SRPK1: variants seen among roughly 807,000 people sequenced by gnomAD.
The protein encoded by SRPK1 is SFRS protein kinase 1.
SRPK1 carries 52 observed loss-of-function variants against 89.5 expected under a neutral mutation model. That is an observed-to-expected ratio of 0.58 (90% CI 0.46 to 0.73). The LOEUF (loss-of-function observed/expected upper bound fraction) is 0.73, where lower values mean the gene tolerates loss of function less well. SRPK1 is among the 30% of genes least tolerant of loss of function. The pLI is 0.00. For missense variants in SRPK1, 603 were observed against 780.6 expected (o/e 0.77, Z 2.71); for synonymous variants, 255 against 270.2 (o/e 0.94, Z 0.55).
intron 12 of SRPK1, among the ~76,000 whole-genome samples, chr6:35,865,645 T>G (rs1326058869): frequency 6.6e-6 from 1 of 152,074 alleles, no homozygotes; most frequent in African/African-American, 2.4e-5. Context: ...AGCCATATAC[T>G]TAACAGCAAA....
In SRPK1 at chr6:35,837,545, C is replaced by A. The variant is rs569187554; in HGVS notation, c.1783+792G>T. Among the ~76,000 whole-genome samples the A allele has an allele frequency of 3.9e-5, 6 of 152,262 alleles. No homozygotes were observed. In the East Asian group the frequency reaches 7.7e-4, roughly 20 times the overall value. ...AGTGGAGTAGCCAGGATTTGACAGT[C>A]TGGCTCCAGTCTCTGCTCTTTTTTT... On this transcript the variant is annotated intron_variant, in intron 15 of 15. Coordinates refer to ENST00000373825, the MANE Select transcript of SRPK1 (RefSeq NM_003137.5).
At chr6:35,875,254 CTTT>C (rs753490683) in intron 6 of SRPK1, among the ~76,000 whole-genome samples, 7 of 136,940 alleles carry the variant, frequency 5.1e-5, no homozygotes, top group Admixed American at 7.3e-5. Flanking sequence ...ATGGAGACTT[CTTT>C]TTTTTTTTTT....
rs199941485 is a variant in SRPK1, at chr6:35,838,324, A to G, written c.1783+13T>C. On this transcript the variant is annotated intron_variant, in intron 15 of 15. Coordinates refer to ENST00000373825, the MANE Select transcript of SRPK1 (RefSeq NM_003137.5). ...TTCTGCCTCCTTAATGTCTGGGAAC[A>G]CATTTACTTTACCTTTTTTGGTGAA... 1.4e-3 allele frequency: 2,170 copies of G among 1,541,334 alleles called. 1 individual carries two copies. The highest frequency in any genetic ancestry group is 1.8e-3 in the Non-Finnish European group (2,037 of 1,149,022).
At chr6:35,874,374 AAAG>A (rs759573041) in intron 6 of SRPK1, 35 bp from the exon 7 acceptor site, 6 of 1,421,636 alleles carry the variant, frequency 4.2e-6, no homozygotes, top group Non-Finnish European at 4.9e-6. Flanking sequence ...AAACGGCACA[AAAG>A]AAGAACACGG....
chr6:35,844,082 G>A (rs1769376661), intron 13 of SRPK1, among the ~76,000 whole-genome samples: 1 of 145,134 alleles, frequency 6.9e-6, no homozygotes, highest in East Asian at 2.0e-4. Context: ...TCGGCTCACT[G>A]CAAGCTCCGC....
chr6:35,834,623 TTC>T lies in SRPK1; in HGVS notation c.*679_*680del, dbSNP rs1769136845. On this transcript the variant is annotated 3_prime_UTR_variant, in exon 16 of 16. Transcript: ENST00000373825. Reference sequence around the variant, plus strand: ...TTCTCAAGAAATTACTATTCAATGGTTCTGTTTTTGCTTACATTAAAAATCAG... The same window carrying T: ...TTCTCAAGAAATTACTATTCAATGGTTGTTTTTGCTTACATTAAAAATCAG... The T allele has an allele frequency of 6.6e-6, 1 of 152,234 alleles. No individual in the cohort carries two copies. 9.4% of individuals were successfully genotyped at this position (152,234 alleles called of 1,614,324 possible).
intron 15 of SRPK1, 57 bp downstream of exon 15, chr6:35,838,280 C>T: frequency 8.1e-7 from 1 of 1,231,158 alleles, no homozygotes; most frequent in Non-Finnish European, 1.1e-6. Context: ...TATGTGCTTA[C>T]CTCTTCATTT....
chr6:35,835,535 A>G (rs760891767), intron 15 of SRPK1, 47 bp from the exon 16 acceptor site: 7 of 1,530,810 alleles, frequency 4.6e-6, no homozygotes, highest in Non-Finnish European at 6.2e-6. Context: ...ACACAGACAA[A>G]TGACAAGGTA....
At position 35,868,749 on chromosome 6, in the gene SRPK1, G is replaced by A. The variant is rs1214593740; in HGVS notation, c.1512+261C>T. ...TTAAAAACAAGATTGGCCAGGAGTT[G>A]ACATTACTGAATCTGGGTGATGGGT... is the stretch of plus-strand genomic sequence containing the variant. On this transcript the variant is annotated intron_variant, in intron 12 of 15. Transcript: ENST00000373825. Among the ~76,000 whole-genome samples the A allele has an allele frequency of 2.6e-5, 4 of 152,124 alleles. No individual in the cohort carries two copies. In the East Asian group the frequency reaches 7.7e-4, roughly 29 times the overall value.
intron 7 of SRPK1, among the ~76,000 whole-genome samples, chr6:35,873,669 T>C (rs368848749): frequency 1.1e-4 from 17 of 151,678 alleles, no homozygotes; most frequent in African/African-American, 3.9e-4. Flanking sequence ...TTTGTATTTT[T>C]AGTAGAGACG....
chr6:35,893,377 C>T (rs998156619), intron 2 of SRPK1, among the ~76,000 whole-genome samples: 1 of 151,692 alleles, frequency 6.6e-6, no homozygotes, highest in African/African-American at 2.4e-5. Context: ...CCCAGCTACT[C>T]GGGGAACTGA....
intron 6 of SRPK1, among the ~76,000 whole-genome samples, chr6:35,877,729 G>A (rs1582012423): frequency 1.3e-5 from 2 of 152,056 alleles, no homozygotes; most frequent in East Asian, 3.9e-4. Flanking sequence ...TGTAGTCCCA[G>A]CTACTTAGGA....
chr6:35,848,347 A>C (rs190413685), intron 13 of SRPK1, among the ~76,000 whole-genome samples: 24 of 151,994 alleles, frequency 1.6e-4, no homozygotes, highest in Admixed American at 1.2e-3. Flanking sequence ...ACTGGAGCTC[A>C]GGAGTTTTGA....
intron 12 of SRPK1, among the ~76,000 whole-genome samples, chr6:35,867,050 G>C (rs534532518): frequency 6.6e-6 from 1 of 152,124 alleles, no homozygotes; most frequent in Non-Finnish European, 1.5e-5. Context: ...TTACTTGGTG[G>C]TTACAATGTG....
chr6:35,869,051 G>A lies in SRPK1; in HGVS notation c.1471C>T (p.Leu491Phe). Residue 491 changes from leucine to phenylalanine, a missense_variant, in exon 12 of 16, where the codon CTC becomes TTC. Leu to Phe is a conservative substitution (Grantham distance 22). Coordinates refer to ENST00000373825, the MANE Select transcript of SRPK1 (RefSeq NM_003137.5). The stretch of plus-strand genomic sequence containing the variant: ...CCAAGGTCAGCAATCTTCACCTTGA[G>A]CTTTTCTGCATTTTTTGGCTCAAGG... ...NPLEPKNAEK[L>F]KVKIADLGNA... 1 of 1,614,026 alleles carries A rather than the reference G, an allele frequency of 6.2e-7. No homozygotes were observed. The highest frequency in any genetic ancestry group is 1.1e-5 in the South Asian group (1 of 91,064).
chr6:35,859,419 C>G (rs551622595), intron 12 of SRPK1, among the ~76,000 whole-genome samples: 126 of 152,240 alleles, frequency 8.3e-4, no homozygotes, highest in African/African-American at 2.9e-3. Flanking sequence ...AAGCTTAGTA[C>G]AGTGGTCCAT....
At chr6:35,920,589 G>C in intron 1 of SRPK1, 61 bp from the exon 2 acceptor site, 2 of 1,535,242 alleles carry the variant, frequency 1.3e-6, no homozygotes, top group African/African-American at 1.4e-5. Context: ...CCAAGGTGAG[G>C]GTGGAGACCC....
At chr6:35,893,978 T>C (rs886167923) in intron 2 of SRPK1, among the ~76,000 whole-genome samples, 4 of 151,382 alleles carry the variant, frequency 2.6e-5, no homozygotes, top group Admixed American at 6.6e-5. Flanking sequence ...GCCACTGTGC[T>C]CCAGCCTGGG....
intron 2 of SRPK1, among the ~76,000 whole-genome samples, chr6:35,909,051 G>T (rs1254281374): frequency 6.6e-6 from 1 of 152,236 alleles, no homozygotes; most frequent in African/African-American, 2.4e-5. Flanking sequence ...GTGGGGCTGG[G>T]GCCCCCACAC....
Sources: gnomAD v4.1 joint callset for allele counts (sites outside exome capture counted in the v4.1 genomes callset) on GRCh38, gnomAD v4.1.1 for gene constraint, MANE v1.5 for transcripts, NCBI Gene and HGNC (gene_info 2026-07-23, HGNC 2026-07-21) for gene names.